Variants in UBTF observed in about 807,000 individuals in gnomAD.
UBTF encodes the protein upstream binding transcription factor.
UBTF carries 8 observed loss-of-function variants against 112.3 expected under a neutral mutation model. The observed-to-expected ratio is 0.07, with a 90% CI of 0.04 to 0.13. UBTF has a LOEUF of 0.13. Among genes scored for constraint, UBTF ranks in the 10% least tolerant of loss-of-function variants. The pLI, the probability that UBTF is intolerant of heterozygous loss-of-function variation, is 1.00. For synonymous variants in UBTF, 417 were observed against 373.1 expected (o/e 1.12, Z -1.36); for missense variants, 457 against 982.1 (o/e 0.47, Z 7.15).
chr17:44,221,060 C>G (rs1482166900), upstream of UBTF: 6 of 151,110 alleles, frequency 4.0e-5, no homozygotes, highest in African/African-American at 7.3e-5. Context: ...TCAGCCTCAC[C>G]CCTTCCCTCC....
At chr17:44,212,728 CT>C (rs2056773236) in intron 7 of UBTF, 90 bp downstream of exon 7, 2 of 1,564,940 alleles carry the variant, frequency 1.3e-6, no homozygotes, top group Non-Finnish European at 1.7e-6. Context: ...TCCTCTCCTG[CT>C]CCCCTGCACC....
chr17:44,216,096 A>G (rs2046831270), intron 3 of UBTF, 107 bp from the exon 4 acceptor site: 1 of 925,616 alleles, frequency 1.1e-6, no homozygotes, highest in Non-Finnish European at 1.7e-6. Context: ...ACTAGACTAA[A>G]TTTACCAAAG....
intron 3 of UBTF, 189 bp from the exon 4 acceptor site, chr17:44,216,178 G>C: frequency 4.8e-6 from 3 of 625,476 alleles, no homozygotes; most frequent in Non-Finnish European, 8.4e-6. Flanking sequence ...CTACCGCAGA[G>C]GCCCAGGCAG....
In UBTF at chr17:44,205,402, T is replaced by C. The variant is rs1366662878; in HGVS notation, c.*1840A>G. On this transcript the variant is annotated 3_prime_UTR_variant, in exon 21 of 21. Transcript: ENST00000436088. ...GTTTTTAAATGAAAATACATTCCAC[T>C]GAAACACAACAGTGTAGGGGCATCC... The C allele has an allele frequency of 6.6e-6, 1 of 152,540 alleles. No homozygotes were observed. Among genetic ancestry groups the C allele is most frequent in the East Asian group, 1.9e-4 (1 of 5,200 alleles). The allele number at this position is 152,540 out of a possible 1,614,324, so 9.4% of individuals were successfully genotyped here.
Position 44,211,058 on chromosome 17 carries a change from GGCTTCTTGGAGGCGGGGCTGGTGGCCT to G in UBTF, c.1157_1183del (p.Gln386_Lys394del). 6.2e-7 allele frequency: 1 copy of G among 1,612,444 alleles called. No individual in the cohort carries two copies. Among genetic ancestry groups the G allele is most frequent in the Middle Eastern group, 1.7e-4 (1 of 6,060 alleles). ...GCCCACCTTGCCCCCTTCCTGGGCT[GGCTTCTTGGAGGCGGGGCTGGTGGCCT>G]GCTTCTTGTTGATGTTCAGCATCTT... is the stretch of plus-strand genomic sequence containing the variant. On this transcript the variant is annotated inframe_deletion, in exon 12 of 21. Coordinates refer to ENST00000436088, the MANE Select transcript of UBTF (RefSeq NM_014233.4). The surrounding 1 kb of genome is among the most constrained non-coding windows in gnomAD (Gnocchi z 4.9).
At chr17:44,214,365 C>T (rs2046739006) in intron 5 of UBTF, among the ~76,000 whole-genome samples, 1 of 152,208 alleles carries the variant, frequency 6.6e-6, no homozygotes. Context: ...CACATAAAGA[C>T]CAGGCCCACA....
intron 1 of UBTF, among the ~76,000 whole-genome samples, chr17:44,218,849 A>G (rs1424900739): frequency 1.3e-5 from 2 of 149,700 alleles, no homozygotes; most frequent in Non-Finnish European, 3.0e-5. Context: ...CGGGGACCGG[A>G]TCCGGATTCC....
At chr17:44,209,846 G>C in intron 15 of UBTF, 113 bp from the exon 16 acceptor site, 5 of 1,153,954 alleles carry the variant, frequency 4.3e-6, no homozygotes, top group Non-Finnish European at 5.0e-6. Context: ...CCAGGGAGGA[G>C]GAGAAACAGG....
At chr17:44,213,512 A>G (rs538651704) in intron 5 of UBTF, among the ~76,000 whole-genome samples, 1 of 152,088 alleles carries the variant, frequency 6.6e-6, no homozygotes, top group Non-Finnish European at 1.5e-5. Flanking sequence ...TGAATCCTAC[A>G]TCCTATTCTC....
chr17:44,211,274 C>G lies in UBTF; in HGVS notation c.1089+16G>C. 1 of 1,614,256 alleles carries G rather than the reference C, an allele frequency of 6.2e-7. No homozygotes were observed. Among genetic ancestry groups the G allele is most frequent in the Non-Finnish European group, 8.5e-7 (1 of 1,180,048 alleles). ...CCAGTCTTCTCTGCCCACTGCCCCA[C>G]CGGAGGAACACTCACCTCGAGGAAA... is the stretch of plus-strand genomic sequence containing the variant. On this transcript the variant is annotated intron_variant, in intron 11 of 20. Transcript: ENST00000436088. The surrounding 1 kb of genome is among the most constrained non-coding windows in gnomAD (Gnocchi z 4.9).
intron 3 of UBTF, 130 bp from the exon 4 acceptor site, chr17:44,216,119 C>T (rs2046833019): frequency 5.2e-6 from 4 of 765,250 alleles, no homozygotes; most frequent in African/African-American, 1.7e-5. Context: ...GAGCAGAGGC[C>T]AACAGCCAAA....
chr17:44,214,311 AAC>A (rs1368960652), intron 5 of UBTF, among the ~76,000 whole-genome samples: 1 of 152,200 alleles, frequency 6.6e-6, no homozygotes, highest in Non-Finnish European at 1.5e-5. Flanking sequence ...CCTCAGACAA[AAC>A]AGTTTTAGAC....
At chr17:44,216,366 AC>A (rs1202794799) in intron 3 of UBTF, 162 bp downstream of exon 3, 1 of 812,966 alleles carries the variant, frequency 1.2e-6, no homozygotes, top group African/African-American at 1.7e-5. Context: ...AGTGCTGTCA[AC>A]CGTGCCACCT....
chr17:44,215,897 G>T lies in UBTF; in HGVS notation c.318+9C>A, dbSNP rs1450708816. ...CATACCCCTCATGCTCCTCCTCCTAGTAACTCACCTTGAGTTTTTTGCCTT... is the reference window on the plus strand; with the variant it reads ...CATACCCCTCATGCTCCTCCTCCTATTAACTCACCTTGAGTTTTTTGCCTT... On this transcript the variant is annotated intron_variant, in intron 4 of 20. Transcript: ENST00000436088. The T allele has an allele frequency of 1.2e-6, 2 of 1,613,818 alleles. No homozygotes were observed. Among genetic ancestry groups the T allele is most frequent in the Non-Finnish European group, 1.7e-6 (2 of 1,179,876 alleles).
At chr17:44,218,361 C>A in intron 1 of UBTF, 65 bp from the exon 2 acceptor site, 2 of 928,532 alleles carry the variant, frequency 2.2e-6, no homozygotes, top group Non-Finnish European at 1.7e-6. Context: ...GACTTTCTAA[C>A]CGCCCAGAGT....
At chr17:44,212,750 G>T in intron 7 of UBTF, 69 bp downstream of exon 7, 2 of 1,593,360 alleles carry the variant, frequency 1.3e-6, no homozygotes, top group South Asian at 2.3e-5. Flanking sequence ...GTGCCCGGCC[G>T]ACCTGGCGCG....
Position 44,216,515 on chromosome 17 carries a change from G to A in UBTF, c.234+14C>T, listed in dbSNP as rs1040637012. On this transcript the variant is annotated intron_variant, in intron 3 of 20. Transcript: ENST00000436088. ...GGGGGTATGTGTGTATGTCAGAAAAGGGGGATCAGTTACCTCATTAGAAAT... is the reference window on the plus strand; with the variant it reads ...GGGGGTATGTGTGTATGTCAGAAAAAGGGGATCAGTTACCTCATTAGAAAT... 3.1e-6 allele frequency: 5 copies of A among 1,613,782 alleles called. No individual in the cohort carries two copies. The highest frequency in any genetic ancestry group is 1.3e-5 in the African/African-American group (1 of 75,030).
chr17:44,212,812 C>T lies in UBTF; in HGVS notation c.660+7G>A. ...CCTCCACCCCCAACCCTTGGCCGGA[C>T]ACTCACATCTGGCCGCACTTTGAGA... On this transcript the variant is annotated splice_region_variant and intron_variant, in intron 7 of 20. Coordinates refer to ENST00000436088, the MANE Select transcript of UBTF (RefSeq NM_014233.4). 2 of 1,613,884 alleles carry T rather than the reference C, an allele frequency of 1.2e-6. No homozygotes were observed. Among genetic ancestry groups the T allele is most frequent in the Non-Finnish European group, 1.7e-6 (2 of 1,179,824 alleles).
At chr17:44,219,285 C>T (rs1290264768) in intron 1 of UBTF, among the ~76,000 whole-genome samples, 160 bp downstream of exon 1, 7 of 151,094 alleles carry the variant, frequency 4.6e-5, no homozygotes, top group Admixed American at 1.3e-4. Flanking sequence ...GCCTTCCCCT[C>T]CCCCGGCTCT....
Sources: gnomAD v4.1 joint callset for allele counts (sites outside exome capture counted in the v4.1 genomes callset) on GRCh38, gnomAD v4.1.1 for gene constraint, Gnocchi (gnomAD v3.1) non-coding constraint, MANE v1.5 for transcripts, NCBI Gene and HGNC (gene_info 2026-07-23, HGNC 2026-07-21) for gene names.